The following ASB3 variants were observed in gnomAD, a reference collection of about 807,000 sequenced individuals.
The protein encoded by ASB3 is ankyrin repeat and SOCS box protein 3.
In ASB3, 41 loss-of-function variants were observed where a neutral mutation model predicts 54.5. That is an observed-to-expected ratio of 0.75 (90% CI 0.59 to 0.98). The LOEUF (loss-of-function observed/expected upper bound fraction) is 0.98. ASB3 is among the 50% of genes least tolerant of loss of function. The pLI is 0.00. For synonymous variants in ASB3, 266 were observed against 221.2 expected (o/e 1.20, Z -1.80); for missense variants, 733 against 620.0 (o/e 1.18, Z -1.94).
chr2:53,784,636 T>TA (rs572280511), intron 1 of ASB3, among the ~76,000 whole-genome samples: 93 of 152,324 alleles, frequency 6.1e-4, no homozygotes, highest in Admixed American at 4.6e-3. Context: ...TATAGACACA[T>TA]ACTGCAATCT....
intron 2 of ASB3, 82 bp downstream of exon 2, chr2:53,765,295 T>C: frequency 1.3e-6 from 2 of 1,554,852 alleles, no homozygotes; most frequent in Non-Finnish European, 1.7e-6. Flanking sequence ...AATACTACTG[T>C]TAATAAGTTA....
At chr2:53,738,330 T>C (rs1261668255) in intron 3 of ASB3, among the ~76,000 whole-genome samples, 1 of 152,254 alleles carries the variant, frequency 6.6e-6, no homozygotes, top group Non-Finnish European at 1.5e-5. Context: ...ACAGGACTAC[T>C]GTTCAGTTAA....
chr2:53,726,489 G>C (rs921634235), intron 5 of ASB3, among the ~76,000 whole-genome samples: 3 of 151,624 alleles, frequency 2.0e-5, no homozygotes, highest in Non-Finnish European at 4.4e-5. Flanking sequence ...GCAAACTCCT[G>C]AGCTCAGGCA....
rs149628770 is a variant in ASB3 at position 53,755,781 on chromosome 2, A to T, written c.197-4840T>A. Among the ~76,000 whole-genome samples, 410 of 152,348 alleles carry T rather than the reference A, an allele frequency of 2.7e-3. 4 individuals carry two copies. The highest frequency in any genetic ancestry group is 9.6e-3 in the African/African-American group (398 of 41,588). ...ATTACAAAGAAAGTAGACACTGTTA[A>T]GAAAAGTGACGAGAAAATACCCGAA... On this transcript the variant is annotated intron_variant, in intron 2 of 9. Transcript: ENST00000263634.
intron 7 of ASB3, among the ~76,000 whole-genome samples, chr2:53,703,951 CA>C (rs1669627479): frequency 6.6e-6 from 1 of 152,106 alleles, no homozygotes; most frequent in Admixed American, 6.5e-5. Context: ...ATTAGAATAT[CA>C]AATAATTAAT....
chr2:53,731,288 G>C (rs1415858937), intron 3 of ASB3, among the ~76,000 whole-genome samples: 1 of 152,158 alleles, frequency 6.6e-6, no homozygotes, highest in Non-Finnish European at 1.5e-5. Context: ...TGTAATCCTA[G>C]CTACTTGAGA....
In ASB3 at chr2:53,729,524, G is replaced by T; in HGVS notation, c.402C>A (p.His134Gln). 6.2e-7 allele frequency: 1 copy of T among 1,613,904 alleles called. No homozygotes were observed. Among genetic ancestry groups the T allele is most frequent in the Non-Finnish European group, 8.5e-7 (1 of 1,179,832 alleles). ...AATGGGATCCATTAACATTTGCTCC[G>T]TGTTGAAGCAACAGCCTTAACACAT... ...QIDVLRLLLQ[H>Q]GANVNGSHSM... Residue 134 changes from histidine to glutamine, a missense_variant, in exon 4 of 10, where the codon CAC becomes CAA. Physicochemically the swap from His to Gln is conservative, Grantham distance 24 (BLOSUM62 0). Coordinates refer to ENST00000263634, the MANE Select transcript of ASB3 (RefSeq NM_016115.5).
intron 1 of ASB3, chr2:53,768,115 A>G: frequency 7.0e-7 from 1 of 1,434,672 alleles, no homozygotes; most frequent in Non-Finnish European, 9.5e-7. Flanking sequence ...ACCACACCTT[A>G]GCGCTTCATG....
At chr2:53,699,009 C>G (rs1669337022) in intron 8 of ASB3, among the ~76,000 whole-genome samples, 2 of 152,262 alleles carry the variant, frequency 1.3e-5, no homozygotes, top group South Asian at 4.1e-4. Context: ...TGCTATAACT[C>G]AATACCTGAG....
chr2:53,774,325 C>G (rs369539876), intron 1 of ASB3: 1 of 1,613,612 alleles, frequency 6.2e-7, no homozygotes, highest in African/African-American at 1.3e-5. Flanking sequence ...TCCTGATTAT[C>G]TTGGTCCTGC....
At chr2:53,697,578 C>T (rs1306236181) in intron 8 of ASB3, among the ~76,000 whole-genome samples, 1 of 152,080 alleles carries the variant, frequency 6.6e-6, no homozygotes, top group Non-Finnish European at 1.5e-5. Context: ...CATAATTTAC[C>T]TTAAATTCCT....
chr2:53,673,390 A>C (rs1218252866), intron 9 of ASB3, among the ~76,000 whole-genome samples: 1 of 152,198 alleles, frequency 6.6e-6, no homozygotes, highest in Non-Finnish European at 1.5e-5. Context: ...ACTGGCTTAA[A>C]ATTCTATGGG....
intron 9 of ASB3, among the ~76,000 whole-genome samples, chr2:53,677,407 A>G (rs1180863743): frequency 1.3e-5 from 2 of 152,266 alleles, no homozygotes; most frequent in East Asian, 3.9e-4. Context: ...AGAGAATCTT[A>G]ACAAATACCC....
At chr2:53,740,886 TTG>T (rs1489945315) in intron 3 of ASB3, among the ~76,000 whole-genome samples, 2 of 152,202 alleles carry the variant, frequency 1.3e-5, no homozygotes, top group Non-Finnish European at 2.9e-5. Context: ...CTATTATATA[TTG>T]TTTATTTTTC....
intron 3 of ASB3, among the ~76,000 whole-genome samples, chr2:53,746,083 T>C (rs1445769329): frequency 6.6e-6 from 1 of 152,072 alleles, no homozygotes; most frequent in Non-Finnish European, 1.5e-5. Context: ...GAGGATCGCT[T>C]GAAGACAAGC....
chr2:53,729,181 G>T (rs751462529), intron 4 of ASB3, among the ~76,000 whole-genome samples: 1 of 152,084 alleles, frequency 6.6e-6, no homozygotes, highest in Non-Finnish European at 1.5e-5. Context: ...ATAACCCATT[G>T]CTCTTTATCA....
At chr2:53,699,842 GA>G (rs1669387601) in intron 8 of ASB3, among the ~76,000 whole-genome samples, 1 of 152,174 alleles carries the variant, frequency 6.6e-6, no homozygotes, top group Admixed American at 6.6e-5. Flanking sequence ...AGATACTTCA[GA>G]AATCAGTATT....
chr2:53,746,872 C>T (rs1672257087), intron 3 of ASB3, among the ~76,000 whole-genome samples: 2 of 151,838 alleles, frequency 1.3e-5, no homozygotes, highest in Non-Finnish European at 2.9e-5. Context: ...TTAGTCAATA[C>T]AAAAGATTTA....
chr2:53,676,202 G>C (rs1371705943), intron 9 of ASB3, among the ~76,000 whole-genome samples: 3 of 152,150 alleles, frequency 2.0e-5, no homozygotes, highest in Admixed American at 1.3e-4. Context: ...GTACTGCAAA[G>C]ACTCTAATAT....
Sources: gnomAD v4.1 joint callset for allele counts (sites outside exome capture counted in the v4.1 genomes callset) on GRCh38, gnomAD v4.1.1 for gene constraint, MANE v1.5 for transcripts, NCBI Gene and HGNC (gene_info 2026-07-23, HGNC 2026-07-21) for gene names.